Variants in CD164 observed in about 807,000 individuals in gnomAD.
CD164 encodes the protein sialomucin core protein 24.
CD164 carries 11 observed loss-of-function variants against 24.6 expected under a neutral mutation model. The observed-to-expected ratio is 0.45, with a 90% CI of 0.28 to 0.74. The LOEUF is 0.74. Ranked by LOEUF, CD164 falls within the 30% of genes least tolerant of loss-of-function variation. The pLI is 0.13. For missense variants in CD164, 295 were observed against 243.7 expected, an observed-to-expected ratio of 1.21 and a Z score of -1.40; for synonymous variants, 126 against 100.3, an observed-to-expected ratio of 1.26 and a Z score of -1.53.
At chr6:109,380,229 G>C (rs911215195) in intron 1 of CD164, 1 of 152,240 alleles carries the variant, frequency 6.6e-6, no homozygotes, top group Non-Finnish European at 1.5e-5. Flanking sequence ...ACATCTAAAA[G>C]CCCATATTCA....
chr6:109,370,938 T>C (rs1163332086), intron 4 of CD164: 1 of 160,884 alleles, frequency 6.2e-6, no homozygotes, highest in East Asian at 1.9e-4. Flanking sequence ...AATATTTTAC[T>C]CTTTGGGCAC....
chr6:109,370,628 C>T (rs550080703), intron 4 of CD164, 161 bp from the exon 5 acceptor site: 5 of 574,550 alleles, frequency 8.7e-6, no homozygotes, highest in South Asian at 4.1e-5. Flanking sequence ...TAGCTATGCA[C>T]CCAAGAATAC....
At chr6:109,378,380 G>A (rs932347861) in intron 2 of CD164, among the ~76,000 whole-genome samples, 2 of 151,676 alleles carry the variant, frequency 1.3e-5, no homozygotes, top group Non-Finnish European at 2.9e-5. Context: ...TCAGGAGTTC[G>A]AGATCAGCCT....
chr6:109,372,429 G>A (rs1456833732), intron 4 of CD164: 1 of 152,124 alleles, frequency 6.6e-6, no homozygotes, highest in Non-Finnish European at 1.5e-5. Flanking sequence ...GTCACAGAGA[G>A]CTTAAGACTT....
intron 1 of CD164, among the ~76,000 whole-genome samples, chr6:109,380,943 T>C (rs1003605862): frequency 1.3e-5 from 2 of 152,224 alleles, no homozygotes; most frequent in African/African-American, 4.8e-5. Context: ...AATGTTACCA[T>C]TACATCTTCC....
Position 109,368,340 on chromosome 6 carries a change from A to G in CD164, c.*511T>C. On this transcript the variant is annotated 3_prime_UTR_variant, in exon 6 of 6. Transcript: ENST00000310786. ...GCATCTTATTTCTAATGTAGAAAAA[A>G]CAGCTGTTATCAAGCACAAAATTTT... 1 of 1,536,954 alleles carries G rather than the reference A, an allele frequency of 6.5e-7. No homozygotes were observed. The highest frequency in any genetic ancestry group is 1.4e-5 in the African/African-American group (1 of 72,422).
chr6:109,370,504 A>C (rs908044162), intron 4 of CD164, 37 bp from the exon 5 acceptor site: 17 of 1,552,222 alleles, frequency 1.1e-5, no homozygotes, highest in Non-Finnish European at 1.5e-5. Context: ...AAAAAACCTT[A>C]AATTTCTAGC....
chr6:109,368,520 T>C lies in CD164; in HGVS notation c.*331A>G, dbSNP rs748989994. The C allele has an allele frequency of 1.3e-5, 18 of 1,360,552 alleles. No individual in the cohort carries two copies. Among genetic ancestry groups the C allele is most frequent in the Non-Finnish European group, 1.7e-5 (18 of 1,062,398 alleles). 84.3% of individuals were successfully genotyped at this position (1,360,552 alleles called of 1,614,324 possible). ...ACTAAATTTAAACTGCCAAGAGCCA[T>C]GATGTTGTCTGCACAAGACAACATT... On this transcript the variant is annotated 3_prime_UTR_variant, in exon 6 of 6. Coordinates refer to ENST00000310786, the MANE Select transcript of CD164 (RefSeq NM_006016.6).
At chr6:109,370,838 G>C (rs996174170) in intron 4 of CD164, 2 of 186,702 alleles carry the variant, frequency 1.1e-5, no homozygotes, top group Non-Finnish European at 2.2e-5. Flanking sequence ...AACTATTAAA[G>C]TCGTAAGTTC....
chr6:109,376,106 G>A lies in CD164; in HGVS notation c.338C>T (p.Thr113Met). 1.3e-6 allele frequency: 2 copies of A among 1,562,272 alleles called. No individual in the cohort carries two copies. Among genetic ancestry groups the A allele is most frequent in the Non-Finnish European group, 1.7e-6 (2 of 1,165,316 alleles). The change falls in exon 4 of 6, where the codon ACG becomes ATG. Residue 113 changes from threonine (T) to methionine (M), a missense_variant. Transcript: ENST00000310786. Reference protein sequence around the residue: ...GNTTDFCSVSTATPVPTANST... With the variant: ...GNTTDFCSVSMATPVPTANST... ...ATTGGCTGTTGGCACTGGAGTGGCC[G>A]TGGAAACTATTAAAAAAAGAAAAAA...
chr6:109,373,842 C>T (rs936467162), intron 4 of CD164, among the ~76,000 whole-genome samples: 1 of 152,184 alleles, frequency 6.6e-6, no homozygotes, highest in Non-Finnish European at 1.5e-5. Flanking sequence ...CATGGCATGA[C>T]TATTTCCATG....
chr6:109,373,741 G>A (rs1771235080), intron 4 of CD164, among the ~76,000 whole-genome samples: 1 of 152,158 alleles, frequency 6.6e-6, no homozygotes, highest in African/African-American at 2.4e-5. Flanking sequence ...ATCCTACTTA[G>A]TCAATGTCTT....
At chr6:109,378,624 A>T (rs925181660) in intron 2 of CD164, among the ~76,000 whole-genome samples, 2 of 152,202 alleles carry the variant, frequency 1.3e-5, no homozygotes, top group African/African-American at 4.8e-5. Context: ...GAGTAAGGGG[A>T]GAACCTTTCC....
chr6:109,373,409 G>A (rs941601004), intron 4 of CD164, among the ~76,000 whole-genome samples: 9 of 152,086 alleles, frequency 5.9e-5, no homozygotes, highest in Non-Finnish European at 8.8e-5. Context: ...CGGTACACAT[G>A]CCCGGAAAAG....
At chr6:109,381,751 C>A in intron 1 of CD164, 1 of 580,174 alleles carries the variant, frequency 1.7e-6, no homozygotes, top group Non-Finnish European at 3.1e-6. Context: ...GAGAAGGCTA[C>A]CTCCGGAGAG....
At chr6:109,381,192 T>C (rs1361113789) in intron 1 of CD164, among the ~76,000 whole-genome samples, 3 of 152,210 alleles carry the variant, frequency 2.0e-5, no homozygotes, top group Admixed American at 6.5e-5. Flanking sequence ...TCCCGCTTAT[T>C]ACCTCAAACT....
At position 109,382,344 on chromosome 6, in the gene CD164, G is replaced by C; in HGVS notation, c.35C>G (p.Ala12Gly). The change falls in exon 1 of 6, where the codon GCC becomes GGC. Residue 12 changes from alanine (A) to glycine (G), a missense_variant. Physicochemically the swap from Ala to Gly is moderately conservative, Grantham distance 60. Coordinates refer to ENST00000310786, the MANE Select transcript of CD164 (RefSeq NM_006016.6). ...SRLSRSLLWA[A>G]TCLGVLCVLS... ...CACGCAGAGCACGCCCAGGCAGGTG[G>C]CGGCCCAAAGCAGTGAGCGGGAGAG... 1 of 1,563,514 alleles carries C rather than the reference G, an allele frequency of 6.4e-7. No homozygotes were observed. Among genetic ancestry groups the C allele is most frequent in the South Asian group, 1.2e-5 (1 of 85,062 alleles).
At chr6:109,382,127 C>T (rs926915194) in intron 1 of CD164, 77 bp downstream of exon 1, 1 of 1,267,688 alleles carries the variant, frequency 7.9e-7, no homozygotes, top group African/African-American at 1.6e-5. Flanking sequence ...CGAACCCGGG[C>T]CCCGCCCGCA....
At position 109,368,968 on chromosome 6, in the gene CD164, A is replaced by C. The variant is rs1388547380; in HGVS notation, c.477T>G (p.Ser159=). 1 of 1,613,974 alleles carries C rather than the reference A, an allele frequency of 6.2e-7. No individual in the cohort carries two copies. Among genetic ancestry groups the C allele is most frequent in the Non-Finnish European group, 8.5e-7 (1 of 1,179,882 alleles). ...CAATGAAACTGGCTGCATCAAAGGT[A>C]GACTTTCGCACAGGTTGTGAGGTTG... ...VTPTSQPVRK[S]TFDAASFIGG... The change falls in exon 6 of 6, where the codon TCT becomes TCG. Residue 159 remains serine (S), a synonymous_variant. Coordinates refer to ENST00000310786, the MANE Select transcript of CD164 (RefSeq NM_006016.6).
Sources: allele counts gnomAD v4.1 joint callset (sites outside exome capture counted in the v4.1 genomes callset), GRCh38; gene constraint gnomAD v4.1.1; transcripts MANE v1.5; gene names NCBI Gene and HGNC (gene_info 2026-07-23, HGNC 2026-07-21).